The following SLC8A1 variants were observed in gnomAD, a reference collection of about 807,000 sequenced individuals.
SLC8A1 encodes solute carrier family 8 member A1, also known as sodium/calcium exchanger 1.
Under a neutral mutation model 68.3 loss-of-function variants are expected in SLC8A1, and 18 were observed. That is an observed-to-expected ratio of 0.26 (90% CI 0.18 to 0.39). The LOEUF (loss-of-function observed/expected upper bound fraction) is 0.39, where lower values mean the gene tolerates loss of function less well. SLC8A1 is among the 10% of genes least tolerant of loss of function. The pLI is 1.00. For missense variants in SLC8A1, 985 were observed against 1,156.7 expected (o/e 0.85, Z 2.15); for synonymous variants, 475 against 415.5 (o/e 1.14, Z -1.74).
chr2:40,276,013 T>C (rs903249748), intron 2 of SLC8A1, among the ~76,000 whole-genome samples: 2 of 152,218 alleles, frequency 1.3e-5, no homozygotes, highest in East Asian at 3.9e-4. Flanking sequence ...AAGATGTTTA[T>C]ATTCTAACTT....
At chr2:40,375,282 C>G (rs531815127) in intron 2 of SLC8A1, among the ~76,000 whole-genome samples, 4 of 152,116 alleles carry the variant, frequency 2.6e-5, no homozygotes, top group Admixed American at 6.6e-5. Flanking sequence ...TTGATGAATT[C>G]AAGACAGAAT....
chr2:40,290,766 C>T (rs956231936), intron 2 of SLC8A1, among the ~76,000 whole-genome samples: 1 of 152,148 alleles, frequency 6.6e-6, no homozygotes, highest in African/African-American at 2.4e-5. Flanking sequence ...CAACTTTCTT[C>T]TCTTTATTTC....
chr2:40,232,599 T>TC (rs2059803687), intron 2 of SLC8A1, among the ~76,000 whole-genome samples: 1 of 43,914 alleles, frequency 2.3e-5, no homozygotes, highest in African/African-American at 4.4e-5. Context: ...TTGTATTCTG[T>TC]TTTTTTTTTT....
chr2:40,506,842 AG>A (rs1351159000), intron 1 of SLC8A1, among the ~76,000 whole-genome samples: 2 of 152,020 alleles, frequency 1.3e-5, no homozygotes, highest in Admixed American at 1.3e-4. Context: ...GAGTGAAAAT[AG>A]GGTTAGAAGG....
chr2:40,417,965 A>C (rs6712702), intron 2 of SLC8A1, among the ~76,000 whole-genome samples: 73,775 of 151,804 alleles, frequency 0.49, 19,566 homozygotes, highest in African/African-American at 0.71. Context: ...ATCTACTTCA[A>C]AATGTTTCAA....
intron 6 of SLC8A1, among the ~76,000 whole-genome samples, chr2:40,150,432 A>G (rs1248739607): frequency 6.6e-6 from 1 of 152,114 alleles, no homozygotes; most frequent in African/African-American, 2.4e-5. Context: ...TGTTTCCCCT[A>G]CTGAAAACAG....
In SLC8A1 at chr2:40,193,910, GAATA is replaced by G. The variant is rs2052404395; in HGVS notation, c.1809-16059_1809-16056del. Among the ~76,000 whole-genome samples, 9 of 152,184 alleles carry G rather than the reference GAATA, an allele frequency of 5.9e-5. No individual in the cohort carries two copies. The South Asian group carries it at 1.9e-3, about 32-fold the overall frequency. On this transcript the variant is annotated intron_variant, in intron 2 of 7. Transcript: ENST00000406785. ...TCTCCAGTCTAGATCTGTCAAAGCT[GAATA>G]AATAAAGAAAAGTTGCTTTAATTAC... is the stretch of plus-strand genomic sequence containing the variant.
intron 1 of SLC8A1, among the ~76,000 whole-genome samples, chr2:40,445,456 G>C (rs555766027): frequency 6.6e-6 from 1 of 151,974 alleles, no homozygotes; most frequent in Non-Finnish European, 1.5e-5. Flanking sequence ...GAAAGAAAAA[G>C]AAAAAGAAAA....
chr2:40,128,471 C>T (rs920485259), intron 7 of SLC8A1, among the ~76,000 whole-genome samples: 4 of 152,272 alleles, frequency 2.6e-5, no homozygotes, highest in Admixed American at 6.5e-5. Context: ...CAGTCAGCAC[C>T]TACAGTATGA....
intron 2 of SLC8A1, among the ~76,000 whole-genome samples, chr2:40,334,225 A>AT (rs1388347599): frequency 6.6e-6 from 1 of 152,160 alleles, no homozygotes; most frequent in Admixed American, 6.5e-5. Flanking sequence ...GAAGTTAGTG[A>AT]TTTTCTCTGC....
chr2:40,433,658 G>A (rs902098268), intron 1 of SLC8A1, among the ~76,000 whole-genome samples: 1 of 152,108 alleles, frequency 6.6e-6, no homozygotes, highest in Admixed American at 6.6e-5. Flanking sequence ...GATAACTGAG[G>A]CTTAGATAGG....
At chr2:40,325,131 T>C (rs954962938) in intron 2 of SLC8A1, among the ~76,000 whole-genome samples, 1 of 152,114 alleles carries the variant, frequency 6.6e-6, no homozygotes, top group South Asian at 2.1e-4. Flanking sequence ...AAAACTACAA[T>C]TAATTCCTTA....
chr2:40,244,659 C>A (rs1424267691), intron 2 of SLC8A1, among the ~76,000 whole-genome samples: 1 of 146,990 alleles, frequency 6.8e-6, no homozygotes, highest in Non-Finnish European at 1.5e-5. Flanking sequence ...ATGATCGAGG[C>A]CTTTTCCTAC....
chr2:40,511,242 C>T (rs1706706458), intron 1 of SLC8A1, among the ~76,000 whole-genome samples: 1 of 152,032 alleles, frequency 6.6e-6, no homozygotes, highest in South Asian at 2.1e-4. Context: ...ACATTATTCT[C>T]AGTAAAATAA....
At chr2:40,434,196 A>G (rs961932024) in intron 1 of SLC8A1, among the ~76,000 whole-genome samples, 1 of 152,196 alleles carries the variant, frequency 6.6e-6, no homozygotes, top group Non-Finnish European at 1.5e-5. Context: ...TTATCAGAGA[A>G]AAAGGAAGGG....
intron 2 of SLC8A1, among the ~76,000 whole-genome samples, chr2:40,368,702 T>TA (rs1677043661): frequency 6.6e-6 from 1 of 152,038 alleles, no homozygotes; most frequent in South Asian, 2.1e-4. Context: ...AGGTTAAGCC[T>TA]AGTACCCGTT....
chr2:40,212,378 G>A (rs921298941), intron 2 of SLC8A1, among the ~76,000 whole-genome samples: 12 of 147,942 alleles, frequency 8.1e-5, no homozygotes, highest in African/African-American at 2.5e-4. Context: ...TCTGCCTCCC[G>A]GGTTCAAGCG....
intron 2 of SLC8A1, among the ~76,000 whole-genome samples, chr2:40,392,050 C>CA (rs1328255563): frequency 9.2e-5 from 12 of 129,884 alleles, no homozygotes; most frequent in Non-Finnish European, 1.6e-4. Flanking sequence ...AACAAACAAA[C>CA]AAAATAAGAA....
rs1211224927 is a variant in SLC8A1 at position 40,424,253 on chromosome 2, T to A, written c.1808+4220A>T. ...CTGATCACTTCAAATTTTCTTAATA[T>A]CTTCATTTCACCTTGTTTACATCTG... On this transcript the variant is annotated intron_variant, in intron 2 of 7. Transcript: ENST00000406785. Among the ~76,000 whole-genome samples, 11 of 151,950 alleles carry A rather than the reference T, an allele frequency of 7.2e-5. No individual in the cohort carries two copies. In the East Asian group the frequency reaches 2.1e-3, roughly 29 times the overall value.
Sources: allele counts gnomAD v4.1 joint callset (sites outside exome capture counted in the v4.1 genomes callset), GRCh38; gene constraint gnomAD v4.1.1; transcripts MANE v1.5; gene names NCBI Gene and HGNC (gene_info 2026-07-23, HGNC 2026-07-21).